Variants in CSMD2 observed in about 807,000 individuals in gnomAD.
The protein encoded by CSMD2 is CUB and Sushi multiple domains 2.
CSMD2 carries 130 observed loss-of-function variants against 398.5 expected under a neutral mutation model. The observed-to-expected ratio is 0.33, with a 90% CI of 0.28 to 0.38. CSMD2 has a LOEUF of 0.38. Among genes scored for constraint, CSMD2 ranks in the 10% least tolerant of loss-of-function variants. The pLI, the probability that CSMD2 is intolerant of heterozygous loss-of-function variation, is 1.00. For synonymous variants in CSMD2, 1,828 were observed against 1,908.5 expected (o/e 0.96, Z 1.10); for missense variants, 3,829 against 4,764.9 (o/e 0.80, Z 5.78).
intron 33 of CSMD2, among the ~76,000 whole-genome samples, chr1:33,625,521 C>T (rs748765297): frequency 6.6e-6 from 1 of 152,146 alleles, no homozygotes; most frequent in Non-Finnish European, 1.5e-5. Context: ...CAGTTTTGTT[C>T]TTTGCTTTCC....
intron 15 of CSMD2, among the ~76,000 whole-genome samples, chr1:33,731,972 G>C (rs1646733790): frequency 6.6e-6 from 1 of 152,252 alleles, no homozygotes. Flanking sequence ...AAACAAAATA[G>C]GCCATGAGTT....
intron 5 of CSMD2, among the ~76,000 whole-genome samples, chr1:33,886,654 G>C (rs1368022782): frequency 6.6e-6 from 1 of 152,186 alleles, no homozygotes; most frequent in Non-Finnish European, 1.5e-5. Context: ...CAGCCGATGG[G>C]AAATTCTTCT....
At chr1:33,783,475 C>CTCTCTCTCTCTCTCTCTCTCT (rs1175894352) in intron 12 of CSMD2, among the ~76,000 whole-genome samples, 5 of 136,078 alleles carry the variant, frequency 3.7e-5, no homozygotes, top group African/African-American at 1.3e-4. Context: ...CTCTCTCTCT[C>CTCTCTCTCTCTCTCTCTCTCT]CTGTGTGTGC....
At chr1:34,043,780 G>A (rs1413590825) in intron 2 of CSMD2, among the ~76,000 whole-genome samples, 2 of 152,154 alleles carry the variant, frequency 1.3e-5, no homozygotes, top group Non-Finnish European at 2.9e-5. Context: ...AAACATTATG[G>A]TTTATGCTGA....
intron 5 of CSMD2, among the ~76,000 whole-genome samples, chr1:33,890,482 G>A (rs1045954058): frequency 2.6e-5 from 4 of 152,054 alleles, no homozygotes; most frequent in Non-Finnish European, 4.4e-5. Context: ...TGCCTGCCTT[G>A]GCCTCCCAAA....
chr1:34,021,971 A>AT (rs1490680943), intron 3 of CSMD2, among the ~76,000 whole-genome samples: 3 of 152,234 alleles, frequency 2.0e-5, no homozygotes, highest in Non-Finnish European at 2.9e-5. Context: ...AATTGGCAGC[A>AT]TTTTTTTCTT....
intron 25 of CSMD2, among the ~76,000 whole-genome samples, chr1:33,665,096 T>A (rs1241059635): frequency 6.6e-6 from 1 of 152,236 alleles, no homozygotes; most frequent in Non-Finnish European, 1.5e-5. Context: ...TACTGGGCAT[T>A]TGTAGCTTTC....
intron 7 of CSMD2, among the ~76,000 whole-genome samples, chr1:33,823,163 G>A (rs1167427351): frequency 2.0e-5 from 3 of 152,102 alleles, no homozygotes; most frequent in African/African-American, 2.4e-5. Flanking sequence ...AGACCCTACC[G>A]CCTCCCCTTT....
chr1:33,628,298 G>A (rs981226144), intron 32 of CSMD2, among the ~76,000 whole-genome samples: 5 of 151,984 alleles, frequency 3.3e-5, no homozygotes, highest in Non-Finnish European at 5.9e-5. Context: ...GACAAGTGAC[G>A]TGAAAGATGA....
chr1:33,619,362 C>A (rs1377380155), intron 37 of CSMD2, among the ~76,000 whole-genome samples: 1 of 152,156 alleles, frequency 6.6e-6, no homozygotes, highest in Non-Finnish European at 1.5e-5. Context: ...GTATCCAGTG[C>A]CCACAGGCAG....
chr1:33,878,170 C>A (rs1640974026), intron 5 of CSMD2: 1 of 152,244 alleles, frequency 6.6e-6, no homozygotes, highest in Admixed American at 6.5e-5. Context: ...GATTCCTAAG[C>A]CAGGAGCCAT....
chr1:33,678,339 C>G (rs1644790992), intron 25 of CSMD2, among the ~76,000 whole-genome samples: 2 of 149,548 alleles, frequency 1.3e-5, no homozygotes, highest in South Asian at 2.1e-4. Flanking sequence ...GAAAGAAAGA[C>G]ATGCAAAAAT....
intron 49 of CSMD2, among the ~76,000 whole-genome samples, chr1:33,573,635 C>A (rs557498346): frequency 1.3e-5 from 2 of 151,358 alleles, no homozygotes; most frequent in African/African-American, 4.9e-5. Flanking sequence ...AAAAAGAGAC[C>A]GAAAATGAGA....
intron 55 of CSMD2, among the ~76,000 whole-genome samples, chr1:33,556,057 G>A (rs572968521): frequency 1.3e-5 from 2 of 152,194 alleles, no homozygotes; most frequent in South Asian, 4.2e-4. Flanking sequence ...ACCAGAATTA[G>A]AGCAGCAAGA....
intron 6 of CSMD2, among the ~76,000 whole-genome samples, chr1:33,827,119 T>G (rs1311531160): frequency 6.6e-6 from 1 of 152,234 alleles, no homozygotes; most frequent in Non-Finnish European, 1.5e-5. Context: ...TTTCCCCTCA[T>G]GACTGTGGCC....
chr1:33,896,875 GGGA>G (rs1278747181), intron 5 of CSMD2, among the ~76,000 whole-genome samples: 75 of 152,122 alleles, frequency 4.9e-4, no homozygotes, highest in African/African-American at 1.7e-3. Context: ...CCAAGCAGAG[GGGA>G]AAGCACGTGC....
intron 2 of CSMD2, among the ~76,000 whole-genome samples, chr1:34,054,157 G>A (rs768758539): frequency 1.3e-5 from 2 of 152,046 alleles, no homozygotes; most frequent in Middle Eastern, 3.4e-3. Flanking sequence ...GACTTTATCT[G>A]GATTTTGCCT....
chr1:33,962,338 A>C (rs1182809882), intron 3 of CSMD2, among the ~76,000 whole-genome samples: 1 of 152,012 alleles, frequency 6.6e-6, no homozygotes, highest in African/African-American at 2.4e-5. Context: ...CTCTTACCCA[A>C]AAGAGTTGGG....
At position 33,726,659 on chromosome 1, in the gene CSMD2, G is replaced by A; in HGVS notation, c.2395C>T (p.Pro799Ser). 6.2e-7 allele frequency: 1 copy of A among 1,612,430 alleles called. No individual in the cohort carries two copies. The highest frequency in any genetic ancestry group is 8.5e-7 in the Non-Finnish European group (1 of 1,179,914). The change falls in exon 16 of 71, where the codon CCC becomes TCC. Residue 799 changes from proline to serine, a missense_variant. Around this residue, in one of 5 missense-constraint regions of CSMD2, gnomAD observed 2,001 missense variants for 2,567.1 expected, o/e 0.78. Transcript: ENST00000373381. The part of the protein sequence containing the change: ...EAPCGGHLTS[P>S]SGTILSPGWP... Reference sequence around the variant, plus strand: ...CCCGGAGAGAGGATGGTGCCGCTGGGCGAAGTCAGGTGACCACCACAGGGA... The same window carrying A: ...CCCGGAGAGAGGATGGTGCCGCTGGACGAAGTCAGGTGACCACCACAGGGA...
Sources: allele counts gnomAD v4.1 joint callset (sites outside exome capture counted in the v4.1 genomes callset), GRCh38; gene constraint gnomAD v4.1.1; regional missense constraint gnomAD v4.1.1; transcripts MANE v1.5; gene names NCBI Gene and HGNC (gene_info 2026-07-23, HGNC 2026-07-21).